Variants in MSRB3 observed in about 807,000 individuals in gnomAD.
MSRB3 encodes the protein methionine-R-sulfoxide reductase B3.
Under a neutral mutation model 21.0 loss-of-function variants are expected in MSRB3, and 13 were observed. The observed-to-expected ratio is 0.62, with a 90% CI of 0.40 to 0.98. MSRB3 has a LOEUF of 0.98. Ranked by LOEUF, MSRB3 falls within the 50% of genes least tolerant of loss-of-function variation. The pLI is 0.00. For synonymous variants in MSRB3, 87 were observed against 88.6 expected (o/e 0.98, Z 0.10); for missense variants, 199 against 230.3 (o/e 0.86, Z 0.88).
At chr12:65,376,466 A>G (rs184565741) in intron 5 of MSRB3, among the ~76,000 whole-genome samples, 37 of 152,284 alleles carry the variant, frequency 2.4e-4, no homozygotes, top group African/African-American at 7.9e-4. Context: ...CACATACTCC[A>G]TAAGTCTGGT....
chr12:65,332,872 A>G (rs1875520924), intron 4 of MSRB3, among the ~76,000 whole-genome samples: 4 of 152,228 alleles, frequency 2.6e-5, no homozygotes, highest in African/African-American at 9.6e-5. Context: ...CTTACCAAGT[A>G]CAAGAACCTC....
intron 4 of MSRB3, 45 bp downstream of exon 4, chr12:65,328,648 C>A: frequency 8.1e-7 from 1 of 1,241,984 alleles, no homozygotes; most frequent in Non-Finnish European, 1.2e-6. Flanking sequence ...TCATAGATGG[C>A]AGCAAACTAG....
chr12:65,350,600 T>C (rs1216594177), intron 4 of MSRB3, among the ~76,000 whole-genome samples: 2 of 149,898 alleles, frequency 1.3e-5, no homozygotes, highest in Non-Finnish European at 3.0e-5. Context: ...AGGCTCAAAA[T>C]TAAAGGATGG....
chr12:65,386,691 T>C (rs1021879724), intron 5 of MSRB3, among the ~76,000 whole-genome samples: 2 of 151,980 alleles, frequency 1.3e-5, no homozygotes, highest in Admixed American at 6.5e-5. Context: ...TGGTTCTTTT[T>C]TTTCTTTAAG....
Position 65,326,840 on chromosome 12 carries a change from A to G in MSRB3, c.91A>G (p.Lys31Glu), listed in dbSNP as rs751063431. Residue 31 changes from lysine (K) to glutamate (E), a missense_variant, in exon 3 of 7, where the codon AAA becomes GAA. By Grantham distance (56) the Lys-to-Glu change is moderately conservative. Coordinates refer to ENST00000308259, the MANE Select transcript of MSRB3 (RefSeq NM_001031679.3). ...TCTCTTTTCAGGGTCGTGTAGGGATAAAAAGAACTGTAAGGTGGTCTTTTC... is the reference window on the plus strand; with the variant it reads ...TCTCTTTTCAGGGTCGTGTAGGGATGAAAAGAACTGTAAGGTGGTCTTTTC... The part of the protein sequence containing the change: ...CGLPSGSCRD[K>E]KNCKVVFSQQ... 5.0e-5 allele frequency: 80 copies of G among 1,612,804 alleles called. No homozygotes were observed. Among genetic ancestry groups the G allele is most frequent in the Non-Finnish European group, 6.6e-5 (78 of 1,179,074 alleles).
At chr12:65,309,205 G>C (rs1873837942) in intron 2 of MSRB3, among the ~76,000 whole-genome samples, 1 of 152,138 alleles carries the variant, frequency 6.6e-6, no homozygotes, top group South Asian at 2.1e-4. Flanking sequence ...TAGAACCACT[G>C]TACTTTTTAA....
intron 4 of MSRB3, among the ~76,000 whole-genome samples, chr12:65,333,896 C>G (rs918531845): frequency 6.6e-6 from 1 of 152,204 alleles, no homozygotes; most frequent in Non-Finnish European, 1.5e-5. Flanking sequence ...TTGTTGATCA[C>G]ATGCATATCT....
At position 65,278,762 on chromosome 12, in the gene MSRB3, C is replaced by A; in HGVS notation, c.-155C>A. 2 of 1,577,960 alleles carry A rather than the reference C, an allele frequency of 1.3e-6. No homozygotes were observed. Among genetic ancestry groups the A allele is most frequent in the Non-Finnish European group, 1.7e-6 (2 of 1,163,628 alleles). ...TCGGACACCGGCGGCGGCTGCCTGG[C>A]CTTTCCATGAGCCCGCGGCGGACCC... On this transcript the variant is annotated 5_prime_UTR_variant, in exon 1 of 7. Coordinates refer to ENST00000308259, the MANE Select transcript of MSRB3 (RefSeq NM_001031679.3).
chr12:65,445,936 T>C (rs888141911), intron 5 of MSRB3, among the ~76,000 whole-genome samples: 1 of 152,190 alleles, frequency 6.6e-6, no homozygotes, highest in East Asian at 1.9e-4. Context: ...TGAGCCACCA[T>C]GCCCAGCCAA....
chr12:65,355,609 C>G (rs558197990), intron 4 of MSRB3, among the ~76,000 whole-genome samples: 1 of 151,594 alleles, frequency 6.6e-6, no homozygotes, highest in South Asian at 2.1e-4. Flanking sequence ...TGCTTTATGC[C>G]GCTGGAGATT....
intron 1 of MSRB3, among the ~76,000 whole-genome samples, chr12:65,280,222 CTT>C (rs1272206951): frequency 6.6e-6 from 1 of 152,116 alleles, no homozygotes; most frequent in Non-Finnish European, 1.5e-5. Flanking sequence ...TAAATAGTAA[CTT>C]GAGCAGTGAT....
chr12:65,424,701 T>A (rs1341540984), intron 5 of MSRB3, among the ~76,000 whole-genome samples: 1 of 151,868 alleles, frequency 6.6e-6, no homozygotes, highest in Admixed American at 6.6e-5. Flanking sequence ...TTTCTTAAAT[T>A]TGTTAAGTTG....
intron 4 of MSRB3, among the ~76,000 whole-genome samples, chr12:65,343,516 T>C (rs1252871311): frequency 6.6e-6 from 1 of 152,142 alleles, no homozygotes; most frequent in African/African-American, 2.4e-5. Context: ...TGATTTTTTT[T>C]AACTGTTTAT....
At chr12:65,420,871 T>C (rs147885492) in intron 5 of MSRB3, among the ~76,000 whole-genome samples, 1 of 152,340 alleles carries the variant, frequency 6.6e-6, no homozygotes, top group Non-Finnish European at 1.5e-5. Context: ...AATCTACCAA[T>C]GATGGGCATT....
At chr12:65,397,424 A>G (rs1879873733) in intron 5 of MSRB3, among the ~76,000 whole-genome samples, 1 of 152,162 alleles carries the variant, frequency 6.6e-6, no homozygotes, top group Non-Finnish European at 1.5e-5. Context: ...GTAATCCACC[A>G]TAGTTGGATT....
chr12:65,313,960 A>G (rs1381578624), intron 2 of MSRB3, among the ~76,000 whole-genome samples: 2 of 152,332 alleles, frequency 1.3e-5, no homozygotes, highest in African/African-American at 4.8e-5. Flanking sequence ...ATTAGCACAT[A>G]GGTGCATTGT....
Position 65,308,509 on chromosome 12 carries a change from T to C in MSRB3, c.-51-20T>C, listed in dbSNP as rs1469929576. On this transcript the variant is annotated intron_variant, in intron 1 of 6. Coordinates refer to ENST00000308259, the MANE Select transcript of MSRB3 (RefSeq NM_001031679.3). ...TGATGTTTTAATTTGATTTTTGTTT[T>C]TGTTTTTTCTCCTACTCAGCTCTTG... is the stretch of plus-strand genomic sequence containing the variant. 1.9e-6 allele frequency: 3 copies of C among 1,612,846 alleles called. No individual in the cohort carries two copies. Among genetic ancestry groups the C allele is most frequent in the Non-Finnish European group, 2.5e-6 (3 of 1,179,504 alleles).
chr12:65,338,276 G>A lies in MSRB3; in HGVS notation c.263+9673G>A, dbSNP rs909000104. ...TACAGATATGACATCACTAAATGTC[G>A]GTTTGGGAAGGGACGTTTGGTAGCA... On this transcript the variant is annotated intron_variant, in intron 4 of 6. Coordinates refer to ENST00000308259, the MANE Select transcript of MSRB3 (RefSeq NM_001031679.3). Among the ~76,000 whole-genome samples the A allele has an allele frequency of 3.9e-5, 6 of 152,088 alleles. No individual in the cohort carries two copies. The South Asian group carries it at 1.2e-3, about 31-fold the overall frequency.
intron 4 of MSRB3, among the ~76,000 whole-genome samples, chr12:65,364,911 A>G (rs1180248516): frequency 1.3e-5 from 2 of 152,166 alleles, no homozygotes; most frequent in Non-Finnish European, 2.9e-5. Flanking sequence ...TTGAGTGTTC[A>G]GTACTGTATC....
Sources: gnomAD v4.1 joint callset for allele counts (sites outside exome capture counted in the v4.1 genomes callset) on GRCh38, gnomAD v4.1.1 for gene constraint, MANE v1.5 for transcripts, NCBI Gene and HGNC (gene_info 2026-07-23, HGNC 2026-07-21) for gene names.